Variants in CDK17 observed in about 807,000 individuals in gnomAD.
CDK17 encodes the protein cyclin-dependent kinase 17.
In CDK17, 24 loss-of-function variants were observed where a neutral mutation model predicts 77.6. The ratio of observed to expected loss-of-function variants is 0.31; its 90% CI spans 0.22 to 0.44. The LOEUF is 0.44. CDK17 is among the 20% of genes least tolerant of loss of function. The pLI is 1.00. For missense variants in CDK17, 429 were observed against 622.5 expected, an observed-to-expected ratio of 0.69 and a Z score of 3.31; for synonymous variants, 203 against 210.4, an observed-to-expected ratio of 0.96 and a Z score of 0.30.
At chr12:96,395,104 G>T (rs1452433216) in intron 1 of CDK17, among the ~76,000 whole-genome samples, 1 of 152,142 alleles carries the variant, frequency 6.6e-6, no homozygotes, top group Non-Finnish European at 1.5e-5. Context: ...TGGAACTCTT[G>T]ACCTTGTGAT....
At chr12:96,334,029 T>G (rs1953007240) in intron 2 of CDK17, among the ~76,000 whole-genome samples, 1 of 152,200 alleles carries the variant, frequency 6.6e-6, no homozygotes, top group Non-Finnish European at 1.5e-5. Flanking sequence ...GTGTCCATGC[T>G]TTCCAGCCAC....
chr12:96,341,878 T>C (rs1216710020), intron 1 of CDK17, among the ~76,000 whole-genome samples: 2 of 152,202 alleles, frequency 1.3e-5, no homozygotes, highest in Non-Finnish European at 2.9e-5. Flanking sequence ...GCTACTCTAA[T>C]ATAAAAGGAC....
chr12:96,360,393 T>C (rs1565835438), intron 1 of CDK17, among the ~76,000 whole-genome samples: 1 of 152,188 alleles, frequency 6.6e-6, no homozygotes, highest in Non-Finnish European at 1.5e-5. Context: ...ATGAGGCATA[T>C]TCAATCTCAT....
At chr12:96,294,381 CAGG>C (rs1326816781) in intron 10 of CDK17, among the ~76,000 whole-genome samples, 2 of 151,526 alleles carry the variant, frequency 1.3e-5, no homozygotes, top group African/African-American at 4.9e-5. Flanking sequence ...CACCTGAGGT[CAGG>C]AGTTCGAGAT....
intron 3 of CDK17, among the ~76,000 whole-genome samples, chr12:96,315,719 G>C (rs979943463): frequency 2.6e-5 from 4 of 152,112 alleles, no homozygotes; most frequent in Admixed American, 2.6e-4. Context: ...CAAAAACAAA[G>C]AGAGGACTGA....
Position 96,400,055 on chromosome 12 carries a change from C to A in CDK17, c.-99G>T. 1 of 388,084 alleles carries A rather than the reference C, an allele frequency of 2.6e-6. No individual in the cohort carries two copies. Among genetic ancestry groups the A allele is most frequent in the Non-Finnish European group, 4.6e-6 (1 of 219,562 alleles). The allele number at this position is 388,084 out of a possible 1,614,324, so 24.0% of individuals were successfully genotyped here. ...GCGCGGGGGGAAGCTGCTCCGCGGA[C>A]GCCCGCGGCGACCGGATGCAAGTCC... is the stretch of plus-strand genomic sequence containing the variant. On this transcript the variant is annotated 5_prime_UTR_variant, in exon 1 of 17. Coordinates refer to ENST00000261211, the MANE Select transcript of CDK17 (RefSeq NM_002595.5).
intron 9 of CDK17, among the ~76,000 whole-genome samples, chr12:96,296,680 G>A (rs140292405): frequency 2.0e-5 from 3 of 152,288 alleles, no homozygotes; most frequent in East Asian, 1.9e-4. Flanking sequence ...TATGCTGGAT[G>A]CTGTTACTCA....
chr12:96,395,427 A>C (rs1259239516), intron 1 of CDK17, among the ~76,000 whole-genome samples: 1 of 152,192 alleles, frequency 6.6e-6, no homozygotes, highest in Non-Finnish European at 1.5e-5. Flanking sequence ...CTAAACTGGA[A>C]TGTCAATGTT....
intron 7 of CDK17, among the ~76,000 whole-genome samples, chr12:96,298,037 T>C (rs572864859): frequency 1.6e-4 from 24 of 152,068 alleles, no homozygotes; most frequent in African/African-American, 5.3e-4. Flanking sequence ...ATGCCTGTAA[T>C]CCCAGCACTT....
intron 15 of CDK17, chr12:96,281,890 T>C (rs1952183389): frequency 6.6e-6 from 1 of 152,230 alleles, no homozygotes; most frequent in Non-Finnish European, 1.5e-5. Context: ...TTTGGCAGCT[T>C]AGTTCCCAAA....
chr12:96,357,260 G>A (rs1263829892), intron 1 of CDK17, among the ~76,000 whole-genome samples: 1 of 151,900 alleles, frequency 6.6e-6, no homozygotes, highest in Non-Finnish European at 1.5e-5. Context: ...AGGAGTTTGA[G>A]ACTAGCCTAG....
intron 1 of CDK17, among the ~76,000 whole-genome samples, chr12:96,382,673 A>T (rs1306129206): frequency 1.3e-5 from 2 of 152,194 alleles, no homozygotes; most frequent in Non-Finnish European, 2.9e-5. Context: ...TAATTAAGTA[A>T]GCTTTGTTCC....
At chr12:96,326,921 C>T (rs1271489428) in intron 2 of CDK17, among the ~76,000 whole-genome samples, 3 of 152,108 alleles carry the variant, frequency 2.0e-5, no homozygotes, top group Admixed American at 6.6e-5. Flanking sequence ...GAAGCAGTTA[C>T]GGTAGCTTTG....
chr12:96,330,763 T>C (rs1015925917), intron 2 of CDK17, among the ~76,000 whole-genome samples: 2 of 152,240 alleles, frequency 1.3e-5, no homozygotes. Flanking sequence ...GATGGGCATC[T>C]GGGTTGTTTA....
chr12:96,353,781 G>C (rs563527123), intron 1 of CDK17, among the ~76,000 whole-genome samples: 13 of 152,032 alleles, frequency 8.6e-5, no homozygotes, highest in Non-Finnish European at 1.6e-4. Flanking sequence ...AATTCAATAA[G>C]AAAGGTAATA....
rs535915645 is a variant in CDK17 at position 96,360,548 on chromosome 12, A to T, written c.-29-25683T>A. Among the ~76,000 whole-genome samples the T allele has an allele frequency of 9.2e-5, 14 of 152,266 alleles. 2 individuals carry two copies. The South Asian group carries it at 2.9e-3, about 32-fold the overall frequency. On this transcript the variant is annotated intron_variant, in intron 1 of 16. Coordinates refer to ENST00000261211, the MANE Select transcript of CDK17 (RefSeq NM_002595.5). ...AGATGCCAAAAATTATCAAAATAAG[A>T]TCCCTCCCTTCATCAGGTAATTTTA...
intron 1 of CDK17, among the ~76,000 whole-genome samples, chr12:96,369,072 T>A (rs1953647182): frequency 6.6e-6 from 1 of 152,000 alleles, no homozygotes. Flanking sequence ...ATAGGTGTAT[T>A]CACTAAAAAA....
At chr12:96,308,116 T>A (rs1057108889) in intron 5 of CDK17, among the ~76,000 whole-genome samples, 25 of 150,374 alleles carry the variant, frequency 1.7e-4, no homozygotes, top group Non-Finnish European at 5.9e-5. Flanking sequence ...AGGGGCCAGA[T>A]GCTATGGGCG....
chr12:96,389,454 T>C (rs1954032583), intron 1 of CDK17, among the ~76,000 whole-genome samples: 1 of 152,200 alleles, frequency 6.6e-6, no homozygotes, highest in Non-Finnish European at 1.5e-5. Flanking sequence ...ATTTTATAGC[T>C]TCTTAGGAAG....
Sources: gnomAD v4.1 joint callset for allele counts (sites outside exome capture counted in the v4.1 genomes callset) on GRCh38, gnomAD v4.1.1 for gene constraint, MANE v1.5 for transcripts, NCBI Gene and HGNC (gene_info 2026-07-23, HGNC 2026-07-21) for gene names.